The following GMDS variants were observed in gnomAD, a reference collection of about 807,000 sequenced individuals.
GMDS encodes GDP-mannose 4,6 dehydratase.
In GMDS, 20 loss-of-function variants were observed where a neutral mutation model predicts 49.9. The observed-to-expected ratio is 0.40, with a 90% CI of 0.28 to 0.58. The LOEUF is 0.58. Ranked by LOEUF, GMDS falls within the 20% of genes least tolerant of loss-of-function variation. GMDS has a pLI of 0.42. For synonymous variants in GMDS, 177 were observed against 178.6 expected (o/e 0.99, Z 0.07); for missense variants, 362 against 481.4 (o/e 0.75, Z 2.32).
At chr6:2,158,688 T>G (rs1190589404) in intron 1 of GMDS, among the ~76,000 whole-genome samples, 1 of 152,230 alleles carries the variant, frequency 6.6e-6, no homozygotes, top group Non-Finnish European at 1.5e-5. Flanking sequence ...CCTTCAGTAT[T>G]GGGGCAAGAA....
intron 4 of GMDS, among the ~76,000 whole-genome samples, chr6:2,105,271 GA>G (rs1774178716): frequency 6.6e-6 from 1 of 150,508 alleles, no homozygotes; most frequent in Non-Finnish European, 1.5e-5. Flanking sequence ...GCAAACAGAT[GA>G]AAAAATTATT....
chr6:2,087,586 G>C (rs1026302715), intron 4 of GMDS, among the ~76,000 whole-genome samples: 1 of 152,168 alleles, frequency 6.6e-6, no homozygotes, highest in Non-Finnish European at 1.5e-5. Flanking sequence ...TTTAAGGACA[G>C]ATTTCTGTGT....
intron 6 of GMDS, among the ~76,000 whole-genome samples, chr6:1,943,672 C>T (rs1263732387): frequency 6.6e-6 from 1 of 152,176 alleles, no homozygotes; most frequent in South Asian, 2.1e-4. Context: ...CAAGGACTTG[C>T]ATACTAATAA....
intron 1 of GMDS, among the ~76,000 whole-genome samples, chr6:2,213,898 G>A (rs745564265): frequency 6.6e-6 from 1 of 152,210 alleles, no homozygotes; most frequent in Non-Finnish European, 1.5e-5. Context: ...TAGCAGCAAC[G>A]TCAAGATGAC....
At chr6:1,983,322 A>G (rs780704793) in intron 4 of GMDS, among the ~76,000 whole-genome samples, 46 of 152,216 alleles carry the variant, frequency 3.0e-4, no homozygotes, top group Non-Finnish European at 4.4e-4. Context: ...GGCACAGGTA[A>G]AGATTTCATG....
chr6:2,138,909 T>C (rs573314217), intron 1 of GMDS, among the ~76,000 whole-genome samples: 3 of 152,202 alleles, frequency 2.0e-5, no homozygotes, highest in Non-Finnish European at 4.4e-5. Context: ...CTAGTCTCTT[T>C]GTGTTCCCAC....
intron 4 of GMDS, among the ~76,000 whole-genome samples, chr6:2,111,951 G>C (rs2127496198): frequency 6.6e-6 from 1 of 152,278 alleles, no homozygotes; most frequent in South Asian, 2.1e-4. Context: ...GCCCTGGAGA[G>C]GTGAGGGAAC....
intron 7 of GMDS, among the ~76,000 whole-genome samples, chr6:1,808,258 T>C (rs1439902622): frequency 6.6e-6 from 1 of 152,212 alleles, no homozygotes; most frequent in African/African-American, 2.4e-5. Flanking sequence ...TGACTGTTAG[T>C]TGGAAAATTG....
At chr6:2,042,039 A>G (rs1158056498) in intron 4 of GMDS, among the ~76,000 whole-genome samples, 2 of 152,322 alleles carry the variant, frequency 1.3e-5, no homozygotes, top group Middle Eastern at 3.4e-3. Flanking sequence ...AAACGCCCTG[A>G]TCAATAAGTG....
chr6:1,803,973 C>CT (rs1210359037), intron 7 of GMDS, among the ~76,000 whole-genome samples: 4 of 152,256 alleles, frequency 2.6e-5, no homozygotes, highest in African/African-American at 7.2e-5. Context: ...TTTAGTGTCT[C>CT]TGAGTTTTAA....
At chr6:1,927,929 T>C (rs1762104336) in intron 7 of GMDS, among the ~76,000 whole-genome samples, 2 of 152,218 alleles carry the variant, frequency 1.3e-5, no homozygotes. Context: ...TAAAAAGCAC[T>C]ATCAACATTA....
intron 7 of GMDS, among the ~76,000 whole-genome samples, chr6:1,890,518 G>A (rs1759821062): frequency 6.6e-6 from 1 of 152,108 alleles, no homozygotes; most frequent in African/African-American, 2.4e-5. Context: ...CTCCCATTTG[G>A]TAGGCTGCTT....
intron 2 of GMDS, among the ~76,000 whole-genome samples, chr6:2,124,209 T>G (rs1475094545): frequency 6.6e-6 from 1 of 152,182 alleles, no homozygotes; most frequent in African/African-American, 2.4e-5. Context: ...GCAGCAAACC[T>G]AAAAGTTTCA....
At chr6:1,971,347 A>T (rs1481978526) in intron 4 of GMDS, among the ~76,000 whole-genome samples, 1 of 151,904 alleles carries the variant, frequency 6.6e-6, no homozygotes, top group East Asian at 1.9e-4. Flanking sequence ...CACACTCATA[A>T]CCCCAATTTT....
chr6:2,116,106 T>A (rs566328622), intron 3 of GMDS, among the ~76,000 whole-genome samples: 1 of 152,236 alleles, frequency 6.6e-6, no homozygotes, highest in African/African-American at 2.4e-5. Flanking sequence ...GGTGGTAAAC[T>A]CAGAAAAATG....
In GMDS at chr6:1,789,301, C is replaced by T. The variant is rs569322229; in HGVS notation, c.772-46715G>A. On this transcript the variant is annotated intron_variant, in intron 7 of 10. Coordinates refer to ENST00000380815, the MANE Select transcript of GMDS (RefSeq NM_001500.4). The stretch of plus-strand genomic sequence containing the variant: ...ACTGAACCACTGGCCGTATGCTGAC[C>T]TCACTTGGCTCAAGGCCCTGACTCT... Among the ~76,000 whole-genome samples the T allele has an allele frequency of 4.6e-5, 7 of 152,246 alleles. No homozygotes were observed. The South Asian group carries it at 6.2e-4, about 14-fold the overall frequency.
chr6:1,716,244 G>T (rs1291279035), intron 9 of GMDS, among the ~76,000 whole-genome samples: 1 of 152,156 alleles, frequency 6.6e-6, no homozygotes, highest in Non-Finnish European at 1.5e-5. Context: ...TGAAAGTAAG[G>T]CCTTCCCTAT....
At chr6:2,225,670 A>C (rs918843027) in intron 1 of GMDS, among the ~76,000 whole-genome samples, 4 of 152,344 alleles carry the variant, frequency 2.6e-5, no homozygotes, top group Middle Eastern at 3.4e-3. Context: ...GGAAGTAAAA[A>C]GCCTTTGTGA....
At chr6:1,786,223 A>G (rs1769314587) in intron 7 of GMDS, among the ~76,000 whole-genome samples, 2 of 152,382 alleles carry the variant, frequency 1.3e-5, no homozygotes, top group Non-Finnish European at 2.9e-5. Context: ...AATTCAGTTC[A>G]TCACCAAAAT....
Sources: allele counts gnomAD v4.1 joint callset (sites outside exome capture counted in the v4.1 genomes callset), GRCh38; gene constraint gnomAD v4.1.1; transcripts MANE v1.5; gene names NCBI Gene and HGNC (gene_info 2026-07-23, HGNC 2026-07-21).